Variants in TOX observed in about 807,000 individuals in gnomAD.
TOX encodes the protein thymocyte selection-associated high mobility group box protein TOX.
In TOX, 11 loss-of-function variants were observed where a neutral mutation model predicts 53.7. The ratio of observed to expected loss-of-function variants is 0.20; its 90% CI spans 0.13 to 0.34. The LOEUF (loss-of-function observed/expected upper bound fraction) is 0.34. Among genes scored for constraint, TOX ranks in the 10% least tolerant of loss-of-function variants. The pLI is 1.00. For synonymous variants in TOX, 225 were observed against 245.3 expected, an observed-to-expected ratio of 0.92 and a Z score of 0.77; for missense variants, 570 against 664.6, an observed-to-expected ratio of 0.86 and a Z score of 1.56.
intron 7 of TOX, among the ~76,000 whole-genome samples, chr8:58,811,699 TCATA>T (rs1810078590): frequency 6.6e-6 from 1 of 152,188 alleles, no homozygotes; most frequent in Non-Finnish European, 1.5e-5. Flanking sequence ...CTGTGTGATA[TCATA>T]CAAAGATTTT....
At chr8:59,001,096 C>A (rs937092842) in intron 1 of TOX, among the ~76,000 whole-genome samples, 1 of 152,102 alleles carries the variant, frequency 6.6e-6, no homozygotes, top group Non-Finnish European at 1.5e-5. Flanking sequence ...AATAGTCTCT[C>A]AAGCAGAAGT....
chr8:59,004,548 C>T (rs566590242), intron 1 of TOX, among the ~76,000 whole-genome samples: 28 of 152,252 alleles, frequency 1.8e-4, no homozygotes, highest in Non-Finnish European at 3.5e-4. Flanking sequence ...GATCTATATT[C>T]TATGGAAAAA....
intron 7 of TOX, 122 bp downstream of exon 7, chr8:58,815,216 T>C: frequency 7.6e-7 from 1 of 1,324,210 alleles, no homozygotes; most frequent in Non-Finnish European, 1.0e-6. Flanking sequence ...CTCTCTTGAC[T>C]TAAATAGAAG....
At chr8:58,829,749 C>G (rs535036847) in intron 5 of TOX, among the ~76,000 whole-genome samples, 1 of 152,018 alleles carries the variant, frequency 6.6e-6, no homozygotes, top group Non-Finnish European at 1.5e-5. Context: ...ATGGAAATGT[C>G]TGAAGAAAGG....
At chr8:58,987,343 G>A (rs1813350813) in intron 1 of TOX, among the ~76,000 whole-genome samples, 1 of 152,074 alleles carries the variant, frequency 6.6e-6, no homozygotes, top group Non-Finnish European at 1.5e-5. Flanking sequence ...CCAAATGCAG[G>A]GACAACAGAT....
chr8:58,922,641 C>T (rs755913750), intron 3 of TOX, among the ~76,000 whole-genome samples: 4 of 152,200 alleles, frequency 2.6e-5, no homozygotes, highest in Non-Finnish European at 4.4e-5. Context: ...GTGTGGAACA[C>T]AGCAGGATTA....
intron 3 of TOX, among the ~76,000 whole-genome samples, chr8:58,912,340 T>C (rs16924227): frequency 0.041 from 6,268 of 152,298 alleles, 390 homozygotes; most frequent in African/African-American, 0.14. Context: ...TTACTAGCCA[T>C]GATTAGGTTT....
intron 1 of TOX, among the ~76,000 whole-genome samples, chr8:58,996,521 G>A (rs114005338): frequency 0.033 from 5,098 of 152,180 alleles, 239 homozygotes; most frequent in South Asian, 0.098. Context: ...AATAATGAAT[G>A]AAAAAATAAA....
In TOX at chr8:58,859,121, T is replaced by C. The variant is rs150141439; in HGVS notation, c.412-7316A>G. ...AATAAATCGTTTTTACGTGACCTTC[T>C]TGTGATCTATTTATTATGTAGAAAT... On this transcript the variant is annotated intron_variant, in intron 3 of 8. Coordinates refer to ENST00000361421, the MANE Select transcript of TOX (RefSeq NM_014729.3). Among the ~76,000 whole-genome samples the C allele has an allele frequency of 3.3e-4, 51 of 152,362 alleles. 2 individuals carry two copies. In the East Asian group the frequency reaches 9.6e-3, roughly 29 times the overall value.
chr8:58,953,992 T>C (rs1812669327), intron 2 of TOX, among the ~76,000 whole-genome samples: 1 of 152,216 alleles, frequency 6.6e-6, no homozygotes, highest in Admixed American at 6.5e-5. Context: ...ATTAATTTCT[T>C]TGTAAATCTT....
At chr8:59,082,847 A>G (rs1160630791) in intron 1 of TOX, among the ~76,000 whole-genome samples, 1 of 152,218 alleles carries the variant, frequency 6.6e-6, no homozygotes, top group Non-Finnish European at 1.5e-5. Context: ...TATAAATCAC[A>G]CAGGAAGCTA....
chr8:58,980,114 G>A (rs1028423618), intron 1 of TOX, among the ~76,000 whole-genome samples: 2 of 152,208 alleles, frequency 1.3e-5, no homozygotes, highest in Non-Finnish European at 2.9e-5. Context: ...TAATTAGATA[G>A]CTTAATACAG....
chr8:59,103,680 G>T (rs1432239260), intron 1 of TOX, among the ~76,000 whole-genome samples: 1 of 152,184 alleles, frequency 6.6e-6, no homozygotes. Flanking sequence ...GCTTTGCTAT[G>T]TGGATACTGG....
Position 59,002,289 on chromosome 8 carries a change from T to TA in TOX, c.103-42282dup, listed in dbSNP as rs530123292. On this transcript the variant is annotated intron_variant, in intron 1 of 8. Coordinates refer to ENST00000361421, the MANE Select transcript of TOX (RefSeq NM_014729.3). ...ACGGCTGGCAGGAAATACTTTTCTT[T>TA]AAAAAAAAAATGCAGACATAGGGCC... Among the ~76,000 whole-genome samples, 324 of 141,600 alleles carry TA rather than the reference T, an allele frequency of 2.3e-3. 1 individual carries two copies. Among genetic ancestry groups the TA allele is most frequent in the Non-Finnish European group, 3.0e-3 (193 of 64,864 alleles). The allele number at this position is 141,600 out of a possible 152,430, so 92.9% of individuals were successfully genotyped here.
chr8:59,075,962 G>T (rs1032192625), intron 1 of TOX, among the ~76,000 whole-genome samples: 1 of 150,344 alleles, frequency 6.7e-6, no homozygotes, highest in African/African-American at 2.5e-5. Flanking sequence ...CCCAGATCGC[G>T]CCATTGCACT....
chr8:58,915,581 A>C (rs1462477818), intron 3 of TOX, among the ~76,000 whole-genome samples: 1 of 133,130 alleles, frequency 7.5e-6, no homozygotes, highest in Non-Finnish European at 1.6e-5. Flanking sequence ...CCAAAAGTAG[A>C]TAAAACCACA....
intron 7 of TOX, chr8:58,814,300 T>C (rs1184917691): frequency 6.6e-6 from 1 of 152,244 alleles, no homozygotes; most frequent in Non-Finnish European, 1.5e-5. Flanking sequence ...GTTTGCCTTA[T>C]ATCCTTATAG....
chr8:58,890,312 C>A (rs62505130), intron 3 of TOX, among the ~76,000 whole-genome samples: 1 of 152,074 alleles, frequency 6.6e-6, no homozygotes, highest in African/African-American at 2.4e-5. Flanking sequence ...GAGGGATACA[C>A]GTTACAAGAG....
chr8:59,092,256 A>G (rs978103247), intron 1 of TOX, among the ~76,000 whole-genome samples: 1 of 65,638 alleles, frequency 1.5e-5, no homozygotes, highest in Non-Finnish European at 2.8e-5. Context: ...CATCTCATAT[A>G]TATATATTTT....
Sources: gnomAD v4.1 joint callset for allele counts (sites outside exome capture counted in the v4.1 genomes callset) on GRCh38, gnomAD v4.1.1 for gene constraint, MANE v1.5 for transcripts, NCBI Gene and HGNC (gene_info 2026-07-23, HGNC 2026-07-21) for gene names.